The following UNC45A variants were observed in gnomAD, a reference collection of about 807,000 sequenced individuals.
UNC45A encodes protein unc-45 homolog A.
A neutral mutation model predicts 103.2 loss-of-function variants in UNC45A; 78 were observed. That is an observed-to-expected ratio of 0.76 (90% CI 0.63 to 0.91). UNC45A has a LOEUF of 0.91. UNC45A is among the 40% of genes least tolerant of loss of function. UNC45A has a pLI of 0.00. For missense variants in UNC45A, 1,193 were observed against 1,224.8 expected (o/e 0.97, Z 0.39); for synonymous variants, 495 against 504.6 (o/e 0.98, Z 0.25).
In UNC45A at chr15:90,948,224, G is replaced by T; in HGVS notation, c.1678G>T (p.Val560Leu). ...GLAYLTFDAD[V>L]KEEFVEDAAA... ...GGCTTACCTGACCTTTGATGCCGAC[G>T]TGAAGGAAGAGTTTGTGGAGGATGC... The change falls in exon 12 of 20, where the codon GTG becomes TTG. Residue 560 changes from valine to leucine, a missense_variant. Physicochemically the swap from Val to Leu is conservative, Grantham distance 32. Coordinates refer to ENST00000418476, the MANE Select transcript of UNC45A (RefSeq NM_018671.5). 6.2e-7 allele frequency: 1 copy of T among 1,614,178 alleles called. No homozygotes were observed. The highest frequency in any genetic ancestry group is 8.5e-7 in the Non-Finnish European group (1 of 1,180,040).
intron 11 of UNC45A, 122 bp from the exon 12 acceptor site, chr15:90,948,020 G>C (rs2036665283): frequency 6.5e-7 from 1 of 1,527,052 alleles, no homozygotes; most frequent in Non-Finnish European, 8.9e-7. Flanking sequence ...CTGGATCCTG[G>C]TACGTGAACT....
At chr15:90,939,966 C>A in intron 5 of UNC45A, 143 bp downstream of exon 5, 1 of 762,912 alleles carries the variant, frequency 1.3e-6, no homozygotes, top group Non-Finnish European at 2.1e-6. Flanking sequence ...CTCTGAGGGT[C>A]TGGGGCTTTA....
intron 7 of UNC45A, 98 bp from the exon 8 acceptor site, chr15:90,942,814 C>T: frequency 1.3e-6 from 2 of 1,507,090 alleles, no homozygotes; most frequent in Non-Finnish European, 1.8e-6. Flanking sequence ...GATGCGGATC[C>T]CCCCTTCCCT....
rs921784565 is a variant in UNC45A at position 90,936,051 on chromosome 15, T to C, written c.250+69T>C. ...TGGTGGGCAAGGACTCTGGGACCGC[T>C]GCACCGTCACATTCTCCTCCTTTGG... is the stretch of plus-strand genomic sequence containing the variant. On this transcript the variant is annotated intron_variant, in intron 3 of 19. Transcript: ENST00000418476. 2.2e-5 allele frequency: 36 copies of C among 1,603,058 alleles called. No homozygotes were observed. In the Admixed American group the frequency reaches 2.4e-4, roughly 11 times the overall value.
intron 6 of UNC45A, among the ~76,000 whole-genome samples, chr15:90,941,822 G>A (rs1046655158): frequency 6.6e-6 from 1 of 152,148 alleles, no homozygotes; most frequent in Non-Finnish European, 1.5e-5. Context: ...AGCCGGGTGC[G>A]GTGGCGGGCG....
chr15:90,935,835 C>A, intron 2 of UNC45A, 111 bp from the exon 3 acceptor site: 1 of 1,570,994 alleles, frequency 6.4e-7, no homozygotes, highest in South Asian at 1.2e-5. Context: ...TTTTGCACCT[C>A]AGGGTGGTGG....
chr15:90,946,730 T>C lies in UNC45A; in HGVS notation c.1316T>C (p.Met439Thr), dbSNP rs753008549. 5.0e-6 allele frequency: 8 copies of C among 1,613,714 alleles called. No homozygotes were observed. Among genetic ancestry groups the C allele is most frequent in the East Asian group, 2.2e-5 (1 of 44,882 alleles). The change falls in exon 10 of 20, where the codon ATG becomes ACG. Residue 439 changes from methionine to threonine, a missense_variant. By Grantham distance (81) the Met-to-Thr change is moderately conservative. Transcript: ENST00000418476. ...GNRALELSGV[M>T]ESVIALCASE... ...CGGGCCTTGGAGCTGAGCGGTGTCATGGAGAGTGTGATTGCTCTGTGTGCC... is the reference window on the plus strand; with the variant it reads ...CGGGCCTTGGAGCTGAGCGGTGTCACGGAGAGTGTGATTGCTCTGTGTGCC...
At chr15:90,936,028 GTGGGC>G in intron 3 of UNC45A, 46 bp downstream of exon 3, 1 of 1,612,094 alleles carries the variant, frequency 6.2e-7, no homozygotes. Context: ...GGCTTCTGTG[GTGGGC>G]AAGGACTCTG....
chr15:90,931,842 C>G, upstream of UNC45A: 12 of 1,614,164 alleles, frequency 7.4e-6, no homozygotes, highest in Non-Finnish European at 1.0e-5. Context: ...GTCTTGTCAT[C>G]TGTTACCTCC....
upstream of UNC45A, chr15:90,932,552 G>A: frequency 8.0e-7 from 1 of 1,248,580 alleles, no homozygotes; most frequent in Non-Finnish European, 1.0e-6. Flanking sequence ...GCGCGGATGG[G>A]GCCGACGACT....
In UNC45A at chr15:90,954,079, G is replaced by A. The variant is rs1004775152; in HGVS notation, c.*363G>A. 22 of 310,910 alleles carry A rather than the reference G, an allele frequency of 7.1e-5. No individual in the cohort carries two copies. Among genetic ancestry groups the A allele is most frequent in the Admixed American group, 2.2e-4 (5 of 22,900 alleles). 19.3% of individuals were successfully genotyped at this position (310,910 alleles called of 1,614,324 possible). A position where few individuals can be genotyped will look rare whatever the true frequency, so the allele number is the denominator to read the frequency against. On this transcript the variant is annotated 3_prime_UTR_variant, in exon 20 of 20. Coordinates refer to ENST00000418476, the MANE Select transcript of UNC45A (RefSeq NM_018671.5). ...TATCAGGCCTGCCCCTCCAATAAAAGTGTGTAGAACTCCACTGTGTGCCCT... is the reference window on the plus strand; with the variant it reads ...TATCAGGCCTGCCCCTCCAATAAAAATGTGTAGAACTCCACTGTGTGCCCT...
At chr15:90,949,899 C>A in intron 15 of UNC45A, 179 bp downstream of exon 15, 1 of 716,312 alleles carries the variant, frequency 1.4e-6, no homozygotes, top group Non-Finnish European at 2.3e-6. Context: ...GGCCCCTCCA[C>A]ACTGGTGCCT....
rs201227692 is a variant in UNC45A at position 90,948,683 on chromosome 15, G to C, written c.1767G>C (p.Val589=). The C allele has an allele frequency of 1.5e-5, 25 of 1,614,050 alleles. No homozygotes were observed. Among genetic ancestry groups the C allele is most frequent in the Non-Finnish European group, 4.2e-6 (5 of 1,179,994 alleles). ...AGGAGAGGTCAGTGCTCTTTGCGGT[G>C]GCCTCAGCGCTGGTGAACTGCACCA... ...RLEERSVLFA[V]ASALVNCTNS... is the part of the protein sequence containing the mutation. Residue 589 remains valine (V), a synonymous_variant, in exon 13 of 20, where the codon GTG becomes GTC. Transcript: ENST00000418476.
chr15:90,936,844 C>G (rs1394868777), intron 4 of UNC45A, among the ~76,000 whole-genome samples: 1 of 152,170 alleles, frequency 6.6e-6, no homozygotes, highest in Non-Finnish European at 1.5e-5. Flanking sequence ...CTCAGAGAAA[C>G]CTTGTCCACG....
chr15:90,931,135 G>C, upstream of UNC45A: 1 of 1,060,996 alleles, frequency 9.4e-7, no homozygotes, highest in South Asian at 1.6e-5. Context: ...TTCAGACTGA[G>C]AAAAAATGCA....
intron 10 of UNC45A, 47 bp from the exon 11 acceptor site, chr15:90,947,749 C>T (rs2036645913): frequency 6.8e-7 from 1 of 1,466,738 alleles, no homozygotes; most frequent in South Asian, 1.1e-5. Flanking sequence ...GAGCTCAGCT[C>T]CTGCCTCCTT....
chr15:90,939,105 G>A (rs2036159880), intron 4 of UNC45A, among the ~76,000 whole-genome samples: 1 of 151,742 alleles, frequency 6.6e-6, no homozygotes, highest in East Asian at 1.9e-4. Context: ...TCAGCCTCCC[G>A]AGTAGCTGGG....
intron 17 of UNC45A, 107 bp from the exon 18 acceptor site, chr15:90,952,822 C>T (rs2036991086): frequency 9.8e-7 from 1 of 1,020,380 alleles, no homozygotes; most frequent in African/African-American, 1.6e-5. Context: ...ACCCAGTCAC[C>T]TCCCACCAGG....
chr15:90,942,487 G>C lies in UNC45A; in HGVS notation c.738G>C (p.Leu246=). ...ILGTRRVVSI[L]GVESQAVSLA... is the part of the protein sequence containing the mutation. ...GAACTCGGCGAGTAGTCTCCATCCT[G>C]GGCGTGGAAAGCCAGGCTGTGTCCC... Residue 246 remains leucine, a synonymous_variant, in exon 7 of 20, where the codon CTG becomes CTC. Transcript: ENST00000418476. 1 of 1,614,130 alleles carries C rather than the reference G, an allele frequency of 6.2e-7. No individual in the cohort carries two copies. The highest frequency in any genetic ancestry group is 8.5e-7 in the Non-Finnish European group (1 of 1,180,014).
Sources: gnomAD v4.1 joint callset for allele counts (sites outside exome capture counted in the v4.1 genomes callset) on GRCh38, gnomAD v4.1.1 for gene constraint, MANE v1.5 for transcripts, NCBI Gene and HGNC (gene_info 2026-07-23, HGNC 2026-07-21) for gene names.